The following DHRS12 variants were observed in gnomAD, a reference collection of about 807,000 sequenced individuals.
The protein encoded by DHRS12 is dehydrogenase/reductase SDR family member 12.
DHRS12 carries 29 observed loss-of-function variants against 32.1 expected under a neutral mutation model. The ratio of observed to expected loss-of-function variants is 0.90; its 90% CI spans 0.67 to 1.23. The LOEUF is 1.23. Ranked by LOEUF, DHRS12 falls within the 50% of genes most tolerant of loss-of-function variation. The probability of loss-of-function intolerance (pLI) is 0.00; values close to 1 mark genes in which losing one functional copy is unlikely to be tolerated. For synonymous variants in DHRS12, 150 were observed against 135.9 expected, an observed-to-expected ratio of 1.10 and a Z score of -0.72; for missense variants, 330 against 337.2, an observed-to-expected ratio of 0.98 and a Z score of 0.17.
At chr13:51,771,279 G>A (rs1174096537) in intron 7 of DHRS12, 3 of 1,555,162 alleles carry the variant, frequency 1.9e-6, no homozygotes, top group African/African-American at 1.4e-5. Flanking sequence ...GCTGCAGAGA[G>A]CCCAGGTGAG....
At chr13:51,756,780 G>T in the DHRS12 span, 1 of 425,446 alleles carries the variant, frequency 2.4e-6, no homozygotes, top group South Asian at 9.8e-5. Flanking sequence ...GAGTATAAGG[G>T]CTCAGGATTC....
At chr13:51,781,868 A>T (rs1954726813) in intron 4 of DHRS12, among the ~76,000 whole-genome samples, 1 of 152,202 alleles carries the variant, frequency 6.6e-6, no homozygotes, top group Non-Finnish European at 1.5e-5. Context: ...CCACTCTGTC[A>T]GCCTTATGGA....
At chr13:51,783,646 CCCT>C (rs1954824229) in intron 4 of DHRS12, among the ~76,000 whole-genome samples, 1 of 152,212 alleles carries the variant, frequency 6.6e-6, no homozygotes, top group East Asian at 1.9e-4. Context: ...TGTCGTCACA[CCCT>C]CCTCCTGCCC....
chr13:51,776,184 T>TCTACAGTATTCTC (rs1954383320), intron 5 of DHRS12: 1 of 144,776 alleles, frequency 6.9e-6, no homozygotes, highest in Non-Finnish European at 1.5e-5. Flanking sequence ...CTACATGTAC[T>TCTACAGTATTCTC]CTACAGTATT....
At chr13:51,771,133 C>T in intron 7 of DHRS12, 1 of 1,508,080 alleles carries the variant, frequency 6.6e-7, no homozygotes, top group Non-Finnish European at 8.9e-7. Context: ...GTAGTGGCCA[C>T]TCCACAGAGG....
At chr13:51,769,127 G>GCC (rs1953890078) in intron 8 of DHRS12, 29 bp downstream of exon 8, 2 of 1,548,536 alleles carry the variant, frequency 1.3e-6, no homozygotes, top group South Asian at 2.4e-5. Context: ...CCCTGTGTCA[G>GCC]CTGCCTTCAC....
chr13:51,755,962 A>G, the DHRS12 span, among the ~76,000 whole-genome samples: 1 of 152,016 alleles, frequency 6.6e-6, no homozygotes, highest in Non-Finnish European at 1.5e-5. Context: ...GGTTTCCTGC[A>G]TGTTCTCCTT....
chr13:51,796,945 C>T (rs1955536352), intron 2 of DHRS12, among the ~76,000 whole-genome samples: 1 of 152,308 alleles, frequency 6.6e-6, no homozygotes, highest in Non-Finnish European at 1.5e-5. Context: ...AATATTCCAT[C>T]CTAGAGAGGG....
chr13:51,768,184 G>A lies in DHRS12; in HGVS notation c.*3C>T. 2 of 1,536,092 alleles carry A rather than the reference G, an allele frequency of 1.3e-6. No homozygotes were observed. The highest frequency in any genetic ancestry group is 1.7e-6 in the Non-Finnish European group (2 of 1,146,892). On this transcript the variant is annotated 3_prime_UTR_variant, in exon 9 of 9. Transcript: ENST00000444610. The stretch of plus-strand genomic sequence containing the variant: ...TCTGGTACCGCACTGTGTCTGGGTT[G>A]GCCTATTTAAATGTCTGAGCCAGCT...
intron 2 of DHRS12, among the ~76,000 whole-genome samples, chr13:51,794,301 A>G (rs1226325795): frequency 6.6e-6 from 1 of 152,238 alleles, no homozygotes; most frequent in African/African-American, 2.4e-5. Flanking sequence ...GTGACCCAGG[A>G]GTCATGAGGT....
At position 51,782,759 on chromosome 13, in the gene DHRS12, G is replaced by A. The variant is rs185516093; in HGVS notation, c.302-5638C>T. 2.2e-3 allele frequency among the ~76,000 whole-genome samples: 332 copies of A among 152,282 alleles called. 6 individuals are homozygous for A. The highest frequency in any genetic ancestry group is 1.5e-3 in the Non-Finnish European group (104 of 68,022). Reference sequence around the variant, plus strand: ...CTGCTGTACTGCAGGGAGAACCCGAGTATGGGCACTTGGGCCTCAGCTCAT... The same window carrying A: ...CTGCTGTACTGCAGGGAGAACCCGAATATGGGCACTTGGGCCTCAGCTCAT... On this transcript the variant is annotated intron_variant, in intron 4 of 8. Coordinates refer to ENST00000444610, the MANE Select transcript of DHRS12 (RefSeq NM_001377533.1). This position sits in a 1 kb window ranked among gnomAD's most constrained non-coding sequence, Gnocchi z 4.2.
At chr13:51,771,443 T>C (rs747491357) in intron 7 of DHRS12, 1 of 1,614,208 alleles carries the variant, frequency 6.2e-7, no homozygotes, top group East Asian at 2.2e-5. Flanking sequence ...TGGGGAGTGG[T>C]GAGGCAGTCT....
chr13:51,776,709 T>G (rs893166827), intron 5 of DHRS12, among the ~76,000 whole-genome samples: 1 of 152,146 alleles, frequency 6.6e-6, no homozygotes, highest in African/African-American at 2.4e-5. Context: ...CAGTAGCCAG[T>G]CCCTTCCCCT....
At chr13:51,764,935 G>C (rs944742387), downstream of DHRS12, 16 of 152,168 alleles carry the variant, frequency 1.1e-4, no homozygotes, top group African/African-American at 3.6e-4. Flanking sequence ...AGTCAAGTGT[G>C]GCGTTGCACG....
rs1348237194 is a variant in DHRS12 at position 51,791,221 on chromosome 13, T to C, written c.163A>G (p.Lys55Glu). 1 of 1,576,300 alleles carries C rather than the reference T, an allele frequency of 6.3e-7. No individual in the cohort carries two copies. The highest frequency in any genetic ancestry group is 8.6e-7 in the Non-Finnish European group (1 of 1,159,498). ...TTTTCAACAAATTTCCAGATTTGCT[T>C]GGGATCAGACAAGTCCACAATGTGC... is the stretch of plus-strand genomic sequence containing the variant. Reference protein sequence around the residue: ...FLHIVDLSDPKQIWKFVENFK... With the variant: ...FLHIVDLSDPEQIWKFVENFK... The change falls in exon 3 of 9, where the codon AAG becomes GAG. Residue 55 changes from lysine to glutamate, a missense_variant. Lys to Glu is a moderately conservative substitution (Grantham distance 56). Transcript: ENST00000444610.
chr13:51,756,560 T>C, the DHRS12 span: 3 of 1,473,032 alleles, frequency 2.0e-6, no homozygotes. Context: ...TTGCTCTAGT[T>C]TCTGCTGGTT....
At chr13:51,780,056 A>G (rs569652411) in intron 4 of DHRS12, among the ~76,000 whole-genome samples, 1 of 152,240 alleles carries the variant, frequency 6.6e-6, no homozygotes, top group South Asian at 2.1e-4. Context: ...CCACACCTGT[A>G]GTCCCAGCTA....
At chr13:51,786,225 G>A (rs1954949298) in intron 4 of DHRS12, among the ~76,000 whole-genome samples, 1 of 152,240 alleles carries the variant, frequency 6.6e-6, no homozygotes, top group Non-Finnish European at 1.5e-5. Context: ...CAATTAATTG[G>A]TGACGCAGCT....
intron 8 of DHRS12, 134 bp from the exon 9 acceptor site, chr13:51,768,430 T>C (rs932124169): frequency 2.0e-6 from 3 of 1,464,532 alleles, no homozygotes; most frequent in African/African-American, 2.8e-5. Context: ...CCCCCATCCC[T>C]GCTGTCAAAG....
Sources: allele counts gnomAD v4.1 joint callset (sites outside exome capture counted in the v4.1 genomes callset), GRCh38; gene constraint gnomAD v4.1.1; non-coding constraint Gnocchi (gnomAD v3.1); transcripts MANE v1.5; gene names NCBI Gene and HGNC (gene_info 2026-07-23, HGNC 2026-07-21).